Variants in PTPRU observed in about 807,000 individuals in gnomAD.
PTPRU encodes receptor-type tyrosine-protein phosphatase U.
A neutral mutation model predicts 166.3 loss-of-function variants in PTPRU; 69 were observed. The ratio of observed to expected loss-of-function variants is 0.41; its 90% CI spans 0.34 to 0.51. The LOEUF is 0.51. Ranked by LOEUF, PTPRU falls within the 20% of genes least tolerant of loss-of-function variation. The pLI, the probability that PTPRU is intolerant of heterozygous loss-of-function variation, is 0.09. For synonymous variants in PTPRU, 793 were observed against 814.0 expected, an observed-to-expected ratio of 0.97 and a Z score of 0.44; for missense variants, 1,657 against 2,013.7, an observed-to-expected ratio of 0.82 and a Z score of 3.39.
At chr1:29,307,953 G>A (rs936440460) in intron 18 of PTPRU, among the ~76,000 whole-genome samples, 2 of 151,676 alleles carry the variant, frequency 1.3e-5, no homozygotes, top group South Asian at 4.1e-4. Context: ...TAGAGATGGG[G>A]TTTCACCATG....
chr1:29,303,641 C>T (rs747503077), intron 15 of PTPRU, among the ~76,000 whole-genome samples: 2 of 152,170 alleles, frequency 1.3e-5, no homozygotes, highest in African/African-American at 2.4e-5. Context: ...CTGATCTGAC[C>T]GGCTCATTCT....
rs1686642028 is a variant in PTPRU, at chr1:29,291,756, C to T, written c.2319-113C>T. The stretch of plus-strand genomic sequence containing the variant: ...TCAGCATCCAGAGATGCTTCTAGGA[C>T]AGCTGCTGGCTCCTGGCCTTGAGGT... On this transcript the variant is annotated intron_variant, in intron 14 of 29. Coordinates refer to ENST00000373779, the MANE Select transcript of PTPRU (RefSeq NM_133178.4). This position sits in a 1 kb window ranked among gnomAD's most constrained non-coding sequence, Gnocchi z 4.1. The T allele has an allele frequency of 1.8e-6, 2 of 1,118,580 alleles. No homozygotes were observed. The highest frequency in any genetic ancestry group is 3.1e-5 in the South Asian group (2 of 65,444). The allele number at this position is 1,118,580 out of a possible 1,614,324, so 69.3% of individuals were successfully genotyped here.
intron 16 of PTPRU, 145 bp downstream of exon 16, chr1:29,304,190 G>A: frequency 3.1e-6 from 3 of 954,662 alleles, no homozygotes; most frequent in South Asian, 2.0e-5. Context: ...TTTTGACCTC[G>A]ACTCTGACCC....
chr1:29,239,461 AG>A (rs1683940725), intron 1 of PTPRU, among the ~76,000 whole-genome samples: 1 of 151,900 alleles, frequency 6.6e-6, no homozygotes, highest in South Asian at 2.1e-4. Flanking sequence ...GGGCTAGGGG[AG>A]GGGACTTAGC....
Position 29,260,973 on chromosome 1 carries a change from G to C in PTPRU, c.1144+70G>C. ...GGGCTATGGAGGGGCGCATTCGAGA[G>C]GTAGCGTGGCCTGTGCTTGTAAACC... is the stretch of plus-strand genomic sequence containing the variant. On this transcript the variant is annotated intron_variant, in intron 7 of 29. Coordinates refer to ENST00000373779, the MANE Select transcript of PTPRU (RefSeq NM_133178.4). The surrounding 1 kb of genome is among the most constrained non-coding windows in gnomAD (Gnocchi z 8.3). 6 of 1,438,112 alleles carry C rather than the reference G, an allele frequency of 4.2e-6. No homozygotes were observed. In the South Asian group the frequency reaches 7.3e-5, roughly 17 times the overall value. The allele number at this position is 1,438,112 out of a possible 1,614,324, so 89.1% of individuals were successfully genotyped here.
chr1:29,320,841 G>A lies in PTPRU; in HGVS notation c.3828+16G>A. On this transcript the variant is annotated intron_variant, in intron 26 of 29. Transcript: ENST00000373779. This position sits in a 1 kb window ranked among gnomAD's most constrained non-coding sequence, Gnocchi z 5.2. ...CTCCGCCTGGGTGAGGCCTCCACTGGCCAGGCCAATGGGCCGCCTGCTCCC... is the reference window on the plus strand; with the variant it reads ...CTCCGCCTGGGTGAGGCCTCCACTGACCAGGCCAATGGGCCGCCTGCTCCC... The A allele has an allele frequency of 6.5e-7, 1 of 1,548,108 alleles. No individual in the cohort carries two copies.
At position 29,254,810 on chromosome 1, in the gene PTPRU, G is replaced by A. The variant is rs1010114252; in HGVS notation, c.74-465G>A. On this transcript the variant is annotated intron_variant, in intron 1 of 29. Transcript: ENST00000373779. ...GTGACAGAACACTGAGTAACAATCCGGAGATCTCAGTTCAAACCCCACCTC... is the reference window on the plus strand; with the variant it reads ...GTGACAGAACACTGAGTAACAATCCAGAGATCTCAGTTCAAACCCCACCTC... 2.6e-5 allele frequency among the ~76,000 whole-genome samples: 4 copies of A among 152,276 alleles called. No individual in the cohort carries two copies. In the East Asian group the frequency reaches 5.8e-4, roughly 22 times the overall value.
At chr1:29,299,369 G>A (rs901905770) in intron 15 of PTPRU, among the ~76,000 whole-genome samples, 2 of 152,314 alleles carry the variant, frequency 1.3e-5, no homozygotes, top group African/African-American at 4.8e-5. Context: ...GGTAGGGGAT[G>A]GGGTGGGGTA....
chr1:29,263,412 A>T (rs902611945), intron 7 of PTPRU, among the ~76,000 whole-genome samples: 9 of 152,240 alleles, frequency 5.9e-5, no homozygotes, highest in Admixed American at 4.6e-4. Flanking sequence ...GTCATTCATC[A>T]GTTGATGGAA....
chr1:29,316,082 G>A lies in PTPRU; in HGVS notation c.3444G>A (p.Lys1148=). The part of the protein sequence containing the change: ...GETTIPVSEF[K]ATYKEMIRID... ...CCACCATCCCTGTCAGTGAGTTCAA[G>A]GCCACCTACAAGGAGATGATCCGCA... The change falls in exon 24 of 30, where the codon AAG becomes AAA. Residue 1148 remains lysine, a synonymous_variant. Coordinates refer to ENST00000373779, the MANE Select transcript of PTPRU (RefSeq NM_133178.4). 6.2e-7 allele frequency: 1 copy of A among 1,614,208 alleles called. No homozygotes were observed. The highest frequency in any genetic ancestry group is 1.1e-5 in the South Asian group (1 of 91,084).
At position 29,279,245 on chromosome 1, in the gene PTPRU, C is replaced by T. The variant is rs1041076299; in HGVS notation, c.1563+124C>T. ...GATGTGATTGTCATAGTTTCTTCAA[C>T]TATGGCCAGGTCTGTGCCCTGTGTA... On this transcript the variant is annotated intron_variant, in intron 9 of 29. Transcript: ENST00000373779. This position sits in a 1 kb window ranked among gnomAD's most constrained non-coding sequence, Gnocchi z 5.2. 1 of 1,050,550 alleles carries T rather than the reference C, an allele frequency of 9.5e-7. No individual in the cohort carries two copies. The highest frequency in any genetic ancestry group is 2.2e-5 in the Admixed American group (1 of 45,954). 65.1% of individuals were successfully genotyped at this position (1,050,550 alleles called of 1,614,324 possible).
At position 29,310,736 on chromosome 1, in the gene PTPRU, T is replaced by C; in HGVS notation, c.2821-8T>C. 7 of 1,613,596 alleles carry C rather than the reference T, an allele frequency of 4.3e-6. No individual in the cohort carries two copies. Among genetic ancestry groups the C allele is most frequent in the Non-Finnish European group, 5.9e-6 (7 of 1,179,524 alleles). ...GGGGTCTAACCGTGCCCTCTCCTCC[T>C]GTTCCAGGGTTACCACAGGTCAAAC... On this transcript the variant is annotated splice_polypyrimidine_tract_variant and splice_region_variant and intron_variant, in intron 18 of 29. Transcript: ENST00000373779.
chr1:29,281,435 G>A (rs976107092), intron 11 of PTPRU, among the ~76,000 whole-genome samples: 1 of 152,110 alleles, frequency 6.6e-6, no homozygotes, highest in East Asian at 1.9e-4. Flanking sequence ...ACTGGTCAGG[G>A]TCCCTCAGGA....
chr1:29,302,164 T>C (rs572765208), intron 15 of PTPRU, among the ~76,000 whole-genome samples: 1 of 151,796 alleles, frequency 6.6e-6, no homozygotes, highest in Admixed American at 6.6e-5. Context: ...TGTGTGTGTG[T>C]GTGTGTGTGT....
rs189171646 is a variant in PTPRU at position 29,320,887 on chromosome 1, G to A, written c.3828+62G>A. On this transcript the variant is annotated intron_variant, in intron 26 of 29. Transcript: ENST00000373779. This position sits in a 1 kb window ranked among gnomAD's most constrained non-coding sequence, Gnocchi z 5.2. ...CTCCCAGGTCCTCTGTGTATTCAGGGCCATGGTCCCCAAAGCCAAAAGTTG... is the reference window on the plus strand; with the variant it reads ...CTCCCAGGTCCTCTGTGTATTCAGGACCATGGTCCCCAAAGCCAAAAGTTG... The A allele has an allele frequency of 3.3e-4, 475 of 1,434,814 alleles. 2 individuals are homozygous for A. The highest frequency in any genetic ancestry group is 3.9e-4 in the Non-Finnish European group (422 of 1,083,128). The allele number at this position is 1,434,814 out of a possible 1,614,324, so 88.9% of individuals were successfully genotyped here. A position where few individuals can be genotyped will look rare whatever the true frequency, so the allele number is the denominator to read the frequency against.
At chr1:29,272,906 C>CAAAAAAA (rs57076551) in intron 7 of PTPRU, among the ~76,000 whole-genome samples, 1 of 54,656 alleles carries the variant, frequency 1.8e-5, no homozygotes, top group Non-Finnish European at 3.8e-5. Flanking sequence ...GACCTTGTCT[C>CAAAAAAA]AAAAAAAAAA....
chr1:29,291,968 G>A lies in PTPRU; in HGVS notation c.2418G>A (p.Leu806=). 1 of 1,614,196 alleles carries A rather than the reference G, an allele frequency of 6.2e-7. No individual in the cohort carries two copies. Residue 806 remains leucine (L), a synonymous_variant, in exon 15 of 30, where the codon CTG becomes CTA. Coordinates refer to ENST00000373779, the MANE Select transcript of PTPRU (RefSeq NM_133178.4). The surrounding 1 kb of genome is among the most constrained non-coding windows in gnomAD (Gnocchi z 4.1). Reference sequence around the variant, plus strand: ...GCAGCTTCACAGACCAGAGCACCCTGCAGGAGGACGAGCGGCTGGGCCTGT... The same window carrying A: ...GCAGCTTCACAGACCAGAGCACCCTACAGGAGGACGAGCGGCTGGGCCTGT... ...VDRSFTDQST[L]QEDERLGLSF... is the part of the protein sequence containing the mutation.
intron 15 of PTPRU, among the ~76,000 whole-genome samples, chr1:29,303,310 C>T (rs569082702): frequency 1.3e-5 from 2 of 152,208 alleles, no homozygotes; most frequent in Non-Finnish European, 2.9e-5. Context: ...TCCACCCACT[C>T]CCCCACTGGC....
intron 15 of PTPRU, among the ~76,000 whole-genome samples, chr1:29,298,288 A>C (rs1018831455): frequency 6.8e-6 from 1 of 146,174 alleles, no homozygotes; most frequent in South Asian, 2.2e-4. Flanking sequence ...AAAAAAAAAA[A>C]ACCAAAACGT....
Sources: gnomAD v4.1 joint callset for allele counts (sites outside exome capture counted in the v4.1 genomes callset) on GRCh38, gnomAD v4.1.1 for gene constraint, Gnocchi (gnomAD v3.1) non-coding constraint, MANE v1.5 for transcripts, NCBI Gene and HGNC (gene_info 2026-07-23, HGNC 2026-07-21) for gene names.